Variants in NALF1 observed in about 807,000 individuals in gnomAD.
The protein encoded by NALF1 is NALCN channel auxiliary factor 1.
Under a neutral mutation model 48.4 loss-of-function variants are expected in NALF1, and 3 were observed. The observed-to-expected ratio is 0.06, with a 90% CI of 0.03 to 0.16. The LOEUF (loss-of-function observed/expected upper bound fraction) is 0.16, where lower values mean the gene tolerates loss of function less well. Among genes scored for constraint, NALF1 ranks in the 10% least tolerant of loss-of-function variants. The pLI is 1.00. For missense variants in NALF1, 526 were observed against 571.5 expected, an observed-to-expected ratio of 0.92 and a Z score of 0.81; for synonymous variants, 262 against 245.7, an observed-to-expected ratio of 1.07 and a Z score of -0.62.
chr13:107,478,462 G>T (rs946529455), intron 1 of NALF1, among the ~76,000 whole-genome samples: 1 of 151,854 alleles, frequency 6.6e-6, no homozygotes, highest in African/African-American at 2.4e-5. Flanking sequence ...TATCAAACAA[G>T]AAAAAAAGTC....
intron 1 of NALF1, among the ~76,000 whole-genome samples, chr13:107,645,089 T>C (rs1257090414): frequency 6.6e-6 from 1 of 152,152 alleles, no homozygotes; most frequent in Non-Finnish European, 1.5e-5. Context: ...TTATAAATAA[T>C]GCTGCTATAA....
chr13:107,688,737 C>T (rs1267867983), intron 1 of NALF1, among the ~76,000 whole-genome samples: 1 of 152,154 alleles, frequency 6.6e-6, no homozygotes, highest in African/African-American at 2.4e-5. Context: ...GCAGTCCTAC[C>T]TCCAAAGACC....
chr13:107,199,416 T>G (rs1037987400), intron 2 of NALF1, among the ~76,000 whole-genome samples: 1 of 152,194 alleles, frequency 6.6e-6, no homozygotes, highest in African/African-American at 2.4e-5. Flanking sequence ...GACTAACACA[T>G]ACACTAATTA....
intron 1 of NALF1, among the ~76,000 whole-genome samples, chr13:107,491,930 T>C (rs1384592895): frequency 6.6e-6 from 1 of 151,988 alleles, no homozygotes. Context: ...ATTATTATTA[T>C]TATTATTATC....
chr13:107,449,426 A>G (rs1483476677), intron 1 of NALF1, among the ~76,000 whole-genome samples: 8 of 152,166 alleles, frequency 5.3e-5, no homozygotes, highest in Non-Finnish European at 1.2e-4. Context: ...GAAATGGATG[A>G]AAAAGGAAGA....
At chr13:107,472,527 G>A (rs1265573247) in intron 1 of NALF1, among the ~76,000 whole-genome samples, 1 of 152,102 alleles carries the variant, frequency 6.6e-6, no homozygotes, top group Non-Finnish European at 1.5e-5. Context: ...GAGGGTGGGT[G>A]CCATCTAATC....
intron 1 of NALF1, among the ~76,000 whole-genome samples, chr13:107,512,908 C>T (rs940101331): frequency 9.2e-5 from 14 of 152,080 alleles, no homozygotes; most frequent in African/African-American, 3.1e-4. Flanking sequence ...CCTCCAGAGT[C>T]GAGTTCCGCC....
At chr13:107,715,673 G>A (rs1439618498) in intron 1 of NALF1, among the ~76,000 whole-genome samples, 1 of 152,156 alleles carries the variant, frequency 6.6e-6, no homozygotes, top group African/African-American at 2.4e-5. Flanking sequence ...CAATGCAAGG[G>A]GAAAAGTGAG....
At chr13:107,621,974 T>A (rs9520519) in intron 1 of NALF1, among the ~76,000 whole-genome samples, 37,079 of 150,452 alleles carry the variant, frequency 0.25, 5,109 homozygotes, top group East Asian at 0.5. Flanking sequence ...TGGAATGACA[T>A]CTGGAATATG....
intron 1 of NALF1, among the ~76,000 whole-genome samples, chr13:107,852,241 T>A (rs767581355): frequency 6.6e-6 from 1 of 152,192 alleles, no homozygotes; most frequent in African/African-American, 2.4e-5. Context: ...CATTTTTCCA[T>A]GTCCATATAT....
chr13:107,693,695 G>A (rs1362328760), intron 1 of NALF1, among the ~76,000 whole-genome samples: 3 of 150,188 alleles, frequency 2.0e-5, no homozygotes, highest in Non-Finnish European at 4.4e-5. Context: ...CTACTATATC[G>A]CCATTCTAAT....
chr13:107,405,203 C>T (rs1692406256), intron 1 of NALF1, among the ~76,000 whole-genome samples: 1 of 151,970 alleles, frequency 6.6e-6, no homozygotes, highest in Admixed American at 6.6e-5. Context: ...GCTCTCACAG[C>T]ATCTTATAAT....
chr13:107,637,598 T>C (rs1880013409), intron 1 of NALF1, among the ~76,000 whole-genome samples: 2 of 152,252 alleles, frequency 1.3e-5, no homozygotes, highest in South Asian at 2.1e-4. Context: ...TGCCAAAAAG[T>C]ACTGTACCTG....
At chr13:107,347,043 T>C (rs1482414830) in intron 1 of NALF1, among the ~76,000 whole-genome samples, 1 of 152,222 alleles carries the variant, frequency 6.6e-6, no homozygotes, top group Non-Finnish European at 1.5e-5. Flanking sequence ...GGGTCCACTT[T>C]TTTAAATTAG....
At chr13:107,432,498 C>T (rs1884398726) in intron 1 of NALF1, among the ~76,000 whole-genome samples, 1 of 152,118 alleles carries the variant, frequency 6.6e-6, no homozygotes, top group African/African-American at 2.4e-5. Context: ...CTGTCAGAGT[C>T]TCCAGGGCAG....
chr13:107,375,923 T>TACACACAC lies in NALF1; in HGVS notation c.916-165176_916-165169dup, dbSNP rs373266204. On this transcript the variant is annotated intron_variant, in intron 1 of 2. Transcript: ENST00000375915. Reference sequence around the variant, plus strand: ...CATGTTCTTATAAAGCAACCTGCTATACACACACACACACACACACATACA... The same window carrying TACACACAC: ...CATGTTCTTATAAAGCAACCTGCTATACACACACACACACACACACACACACACATACA... 9.5e-4 allele frequency among the ~76,000 whole-genome samples: 142 copies of TACACACAC among 149,404 alleles called. 1 individual carries two copies. The highest frequency in any genetic ancestry group is 3.2e-3 in the African/African-American group (131 of 40,802).
chr13:107,222,265 C>G (rs1207753278), intron 1 of NALF1, among the ~76,000 whole-genome samples: 1 of 152,146 alleles, frequency 6.6e-6, no homozygotes, highest in Non-Finnish European at 1.5e-5. Context: ...TTACTATTCC[C>G]CATAGAAACA....
chr13:107,373,141 AG>A (rs1482412604), intron 1 of NALF1, among the ~76,000 whole-genome samples: 1 of 152,200 alleles, frequency 6.6e-6, no homozygotes, highest in African/African-American at 2.4e-5. Context: ...ACAGAGAACA[AG>A]GTTCTTACTA....
At chr13:107,768,565 T>C (rs539901611) in intron 1 of NALF1, among the ~76,000 whole-genome samples, 13 of 152,162 alleles carry the variant, frequency 8.5e-5, no homozygotes, top group Admixed American at 3.9e-4. Context: ...GGATGAACAA[T>C]TGGAATCATT....
Sources: allele counts gnomAD v4.1 joint callset (sites outside exome capture counted in the v4.1 genomes callset), GRCh38; gene constraint gnomAD v4.1.1; transcripts MANE v1.5; gene names NCBI Gene and HGNC (gene_info 2026-07-23, HGNC 2026-07-21).